The following TUBGCP6 variants were observed in gnomAD, a reference collection of about 807,000 sequenced individuals.
The protein encoded by TUBGCP6 is tubulin gamma complex component 6, also known as gamma-tubulin complex component 6.
TUBGCP6 carries 161 observed loss-of-function variants against 175.8 expected under a neutral mutation model. The ratio of observed to expected loss-of-function variants is 0.92; its 90% CI spans 0.81 to 1.04. The LOEUF (loss-of-function observed/expected upper bound fraction) is 1.04. TUBGCP6 is among the 50% of genes least tolerant of loss of function. The probability of loss-of-function intolerance (pLI) is 0.00; values close to 1 mark genes in which losing one functional copy is unlikely to be tolerated. For synonymous variants in TUBGCP6, 1,173 were observed against 1,030.5 expected (o/e 1.14, Z -2.65); for missense variants, 2,572 against 2,433.0 (o/e 1.06, Z -1.20).
At chr22:50,226,414 A>T (rs892434632) in intron 7 of TUBGCP6, 36 bp from the exon 8 acceptor site, 2 of 1,559,564 alleles carry the variant, frequency 1.3e-6, no homozygotes, top group East Asian at 2.4e-5. Flanking sequence ...GATGTGGTCA[A>T]CGGAGAGGTG....
Position 50,241,135 on chromosome 22 carries a change from T to C in TUBGCP6, c.742-768A>G, listed in dbSNP as rs1371736374. On this transcript the variant is annotated intron_variant, in intron 1 of 24. Coordinates refer to ENST00000248846, the MANE Select transcript of TUBGCP6 (RefSeq NM_020461.4). The stretch of plus-strand genomic sequence containing the variant: ...AATCATTAGTTTGTAGCAATTGCTC[T>C]TTATTCCAAGATTATAATAATCTTC... Among the ~76,000 whole-genome samples, 10 of 152,358 alleles carry C rather than the reference T, an allele frequency of 6.6e-5. No homozygotes were observed. In the South Asian group the frequency reaches 1.9e-3, roughly 28 times the overall value.
At chr22:50,219,873 C>T in intron 17 of TUBGCP6, 82 bp from the exon 18 acceptor site, 1 of 1,603,888 alleles carries the variant, frequency 6.2e-7, no homozygotes, top group South Asian at 1.1e-5. Flanking sequence ...AGGAAAATCG[C>T]ATGTGGGACC....
Position 50,218,308 on chromosome 22 carries a change from GT to G in TUBGCP6, c.5048del (p.Tyr1683SerfsTer52), listed in dbSNP as rs1252170052. ...TGACGTGCAGGATCTGGTTGGCGAT[GT>G]AGCCCTGGATGACCTTCACGAAATG... is the stretch of plus-strand genomic sequence containing the variant. ...MQHFVKVIQG[Y>X]IANQILHVTW... On this transcript the variant is annotated frameshift_variant, in exon 23 of 25. Coordinates refer to ENST00000248846, the MANE Select transcript of TUBGCP6 (RefSeq NM_020461.4). LOFTEE classifies it high-confidence loss of function. The G allele has an allele frequency of 6.2e-7, 1 of 1,613,136 alleles. No individual in the cohort carries two copies. Among genetic ancestry groups the G allele is most frequent in the Admixed American group, 1.7e-5 (1 of 60,030 alleles).
rs2064886168 is a variant in TUBGCP6 at position 50,244,128 on chromosome 22, A to C, written c.332T>G (p.Leu111Trp). Residue 111 changes from leucine to tryptophan, a missense_variant, in exon 1 of 25, where the codon TTG becomes TGG. Coordinates refer to ENST00000248846, the MANE Select transcript of TUBGCP6 (RefSeq NM_020461.4). ...CCPLLEVGSV[L>W]DLLVQLAGSG... is the part of the protein sequence containing the mutation. ...CCCTGCCAGCTGAACCAGGAGGTCC[A>C]AAACAGACCCCACCTCCAAAAGCGG... The C allele has an allele frequency of 3.1e-6, 5 of 1,613,600 alleles. No homozygotes were observed. The highest frequency in any genetic ancestry group is 4.2e-6 in the Non-Finnish European group (5 of 1,180,042).
At chr22:50,235,182 T>TCACGGCAGCATCATCCACATCCCTGTC (rs1260721381) in intron 2 of TUBGCP6, among the ~76,000 whole-genome samples, 6 of 20,800 alleles carry the variant, frequency 2.9e-4, no homozygotes, top group Non-Finnish European at 4.1e-4. Context: ...ACACCCCTAT[T>TCACGGCAGCATCATCCACATCCCTGTC]CACGGCAGCA....
rs759044455 is a variant in TUBGCP6, at chr22:50,227,963, G to C, written c.1356C>G (p.Pro452=). 6.4e-7 allele frequency: 1 copy of C among 1,571,718 alleles called. No homozygotes were observed. The highest frequency in any genetic ancestry group is 8.6e-7 in the Non-Finnish European group (1 of 1,158,310). Reference sequence around the variant, plus strand: ...AACCAATGGTGAGGAGGCTCAGGGTGGGCGGAGTGGAAAGGACGCAGGCCC... The same window carrying C: ...AACCAATGGTGAGGAGGCTCAGGGTCGGCGGAGTGGAAAGGACGCAGGCCC... ...YYRACVLSTP[P]TLSLLTIGFL... Residue 452 remains proline, a synonymous_variant, in exon 5 of 25, where the codon CCC becomes CCG. Transcript: ENST00000248846.
chr22:50,244,636 C>CAA lies in TUBGCP6; in HGVS notation c.-178_-177insTT. ...AAGGAGGTCTTGCGGTTGCTCTACT[C>CAA]AGAGTAAACACGCCCTGCCCTCCCC... On this transcript the variant is annotated 5_prime_UTR_variant, in exon 1 of 25. Transcript: ENST00000248846. The CAA allele has an allele frequency of 9.2e-7, 1 of 1,091,006 alleles. No homozygotes were observed. The highest frequency in any genetic ancestry group is 1.3e-6 in the Non-Finnish European group (1 of 789,690). 67.6% of individuals were successfully genotyped at this position (1,091,006 alleles called of 1,614,324 possible). A position where few individuals can be genotyped will look rare whatever the true frequency, so the allele number is the denominator to read the frequency against.
intron 1 of TUBGCP6, 27 bp downstream of exon 1, chr22:50,243,687 AGAGAT>A (rs1384257479): frequency 4.5e-6 from 7 of 1,564,576 alleles, no homozygotes; most frequent in Non-Finnish European, 6.1e-6. Flanking sequence ...AAACCCCGAG[AGAGAT>A]GAAAGAGGAA....
At chr22:50,232,177 G>C (rs1006352752) in intron 3 of TUBGCP6, among the ~76,000 whole-genome samples, 1 of 151,508 alleles carries the variant, frequency 6.6e-6, no homozygotes, top group Non-Finnish European at 1.5e-5. Context: ...ACCAGCCTGA[G>C]CAACATGGTG....
chr22:50,240,312 A>G lies in TUBGCP6; in HGVS notation c.797T>C (p.Leu266Ser). ...GGGCTCAGACTGGGAATCAGGAGTC[A>G]AGTTGGACGCTGACTGGAATCCTTC... is the stretch of plus-strand genomic sequence containing the variant. ...EDEGFQSASN[L>S]TPDSQSEPSV... Residue 266 changes from leucine (L) to serine (S), a missense_variant, in exon 2 of 25, where the codon TTG (leucine) becomes TCG (serine). Coordinates refer to ENST00000248846, the MANE Select transcript of TUBGCP6 (RefSeq NM_020461.4). The G allele has an allele frequency of 6.2e-7, 1 of 1,613,910 alleles. No homozygotes were observed. The highest frequency in any genetic ancestry group is 8.5e-7 in the Non-Finnish European group (1 of 1,179,990).
chr22:50,243,913 C>G lies in TUBGCP6; in HGVS notation c.547G>C (p.Glu183Gln). Residue 183 changes from glutamate to glutamine, a missense_variant, in exon 1 of 25, where the codon GAG becomes CAG. Glu to Gln is a conservative substitution (Grantham distance 29). Coordinates refer to ENST00000248846, the MANE Select transcript of TUBGCP6 (RefSeq NM_020461.4). Reference sequence around the variant, plus strand: ...GGCAGGCCAGTGCCTGGAGCAGCCTCCATAACCTGAAGTGTTTCCTGGATC... The same window carrying G: ...GGCAGGCCAGTGCCTGGAGCAGCCTGCATAACCTGAAGTGTTTCCTGGATC... ...SMIQETLQVM[E>Q]AAPGTGLPTV... 1 of 1,614,076 alleles carries G rather than the reference C, an allele frequency of 6.2e-7. No individual in the cohort carries two copies. The highest frequency in any genetic ancestry group is 8.5e-7 in the Non-Finnish European group (1 of 1,180,048).
intron 20 of TUBGCP6, 42 bp from the exon 21 acceptor site, chr22:50,218,939 C>A: frequency 6.3e-7 from 1 of 1,591,282 alleles, no homozygotes. Context: ...GTCCCAAGCA[C>A]ATGCCTGGCA....
At chr22:50,239,893 C>T (rs2064818844) in intron 2 of TUBGCP6, among the ~76,000 whole-genome samples, 1 of 152,134 alleles carries the variant, frequency 6.6e-6, no homozygotes, top group Non-Finnish European at 1.5e-5. Context: ...GATCTGGTTA[C>T]TGGCACGGGG....
At chr22:50,238,920 C>CCA (rs1299524032) in intron 2 of TUBGCP6, among the ~76,000 whole-genome samples, 1 of 152,178 alleles carries the variant, frequency 6.6e-6, no homozygotes, top group Non-Finnish European at 1.5e-5. Context: ...AAAGCCACCA[C>CCA]CACCGTGCTG....
intron 15 of TUBGCP6, 31 bp from the exon 16 acceptor site, chr22:50,221,905 G>T: frequency 6.5e-7 from 1 of 1,539,334 alleles, no homozygotes; most frequent in Non-Finnish European, 8.8e-7. Context: ...GACCCAGTCT[G>T]GTCTCAGGAC....
chr22:50,240,779 C>T (rs2064829465), intron 1 of TUBGCP6, among the ~76,000 whole-genome samples: 1 of 152,212 alleles, frequency 6.6e-6, no homozygotes, highest in Non-Finnish European at 1.5e-5. Flanking sequence ...CACCTGAGGT[C>T]AGGAGTTTGA....
intron 18 of TUBGCP6, 35 bp from the exon 19 acceptor site, chr22:50,219,491 G>C (rs1178730520): frequency 1.9e-6 from 3 of 1,594,732 alleles, no homozygotes; most frequent in Non-Finnish European, 2.6e-6. Context: ...GCTGGGAACC[G>C]GCCAGCCCAG....
chr22:50,227,132 G>T, intron 5 of TUBGCP6, 55 bp from the exon 6 acceptor site: 1 of 1,500,244 alleles, frequency 6.7e-7, no homozygotes, highest in Non-Finnish European at 9.1e-7. Context: ...TCCCAGGCCT[G>T]GATCAGATCG....
At chr22:50,243,000 C>T (rs979902209) in intron 1 of TUBGCP6, among the ~76,000 whole-genome samples, 1 of 152,162 alleles carries the variant, frequency 6.6e-6, no homozygotes, top group African/African-American at 2.4e-5. Context: ...CCAGACTATC[C>T]CCCCTTTTAC....
Sources: allele counts gnomAD v4.1 joint callset (sites outside exome capture counted in the v4.1 genomes callset), GRCh38; gene constraint gnomAD v4.1.1; transcripts MANE v1.5; gene names NCBI Gene and HGNC (gene_info 2026-07-23, HGNC 2026-07-21).